MYO16: variants seen among roughly 807,000 people sequenced by gnomAD.
MYO16 encodes unconventional myosin-XVI.
MYO16 carries 94 observed loss-of-function variants against 205.3 expected under a neutral mutation model. That is an observed-to-expected ratio of 0.46 (90% CI 0.39 to 0.54). The LOEUF (loss-of-function observed/expected upper bound fraction) is 0.54. Ranked by LOEUF, MYO16 falls within the 20% of genes least tolerant of loss-of-function variation. The pLI, the probability that MYO16 is intolerant of heterozygous loss-of-function variation, is 0.00. For synonymous variants in MYO16, 988 were observed against 954.0 expected, an observed-to-expected ratio of 1.04 and a Z score of -0.66; for missense variants, 2,315 against 2,387.5, an observed-to-expected ratio of 0.97 and a Z score of 0.63.
intron 9 of MYO16, among the ~76,000 whole-genome samples, chr13:108,835,731 G>A (rs574440435): frequency 2.6e-5 from 4 of 152,166 alleles, no homozygotes; most frequent in Non-Finnish European, 5.9e-5. Context: ...TTGGGAACTG[G>A]AACAAAGGTG....
At chr13:108,771,401 C>T (rs1204697672) in intron 4 of MYO16, among the ~76,000 whole-genome samples, 3 of 152,134 alleles carry the variant, frequency 2.0e-5, no homozygotes, top group Non-Finnish European at 4.4e-5. Flanking sequence ...TTCACACGTG[C>T]TCCCTGACCC....
At chr13:108,528,185 A>G in the MYO16 span, among the ~76,000 whole-genome samples, 3 of 152,242 alleles carry the variant, frequency 2.0e-5, no homozygotes, top group African/African-American at 7.2e-5. Flanking sequence ...TCATGAAAAC[A>G]GATTAGCACT....
At chr13:108,501,216 T>C in the MYO16 span, among the ~76,000 whole-genome samples, 1 of 152,148 alleles carries the variant, frequency 6.6e-6, no homozygotes, top group Non-Finnish European at 1.5e-5. Context: ...TCTCTGTGTG[T>C]CTGGATTGGG....
At chr13:108,539,649 G>A in the MYO16 span, among the ~76,000 whole-genome samples, 1 of 152,010 alleles carries the variant, frequency 6.6e-6, no homozygotes, top group Non-Finnish European at 1.5e-5. Flanking sequence ...GCATGCTTAT[G>A]GAGAAAGCGC....
chr13:108,708,637 A>G (rs1883605815), intron 2 of MYO16, among the ~76,000 whole-genome samples: 1 of 152,196 alleles, frequency 6.6e-6, no homozygotes, highest in Non-Finnish European at 1.5e-5. Flanking sequence ...GCTTAGTTTT[A>G]TCTTCCTTTC....
At chr13:108,558,158 A>G in the MYO16 span, among the ~76,000 whole-genome samples, 1 of 152,230 alleles carries the variant, frequency 6.6e-6, no homozygotes, top group African/African-American at 2.4e-5. Context: ...CTCCTAGCAA[A>G]GATAAAGGTG....
At position 108,676,381 on chromosome 13, in the gene MYO16, G is replaced by A. The variant is rs1003563849; in HGVS notation, c.292+10232G>A. ...TGTGATTATATGTACGCGTGTGTGT[G>A]TGTGTGTGTGTGTGTGTGTGTGTGT... On this transcript the variant is annotated intron_variant, in intron 2 of 34. Transcript: ENST00000457511. 4.0e-3 allele frequency among the ~76,000 whole-genome samples: 522 copies of A among 129,158 alleles called. 3 individuals are homozygous for A. The highest frequency in any genetic ancestry group is 0.015 in the African/African-American group (507 of 34,590). 84.7% of individuals were successfully genotyped at this position (129,158 alleles called of 152,430 possible).
chr13:108,948,454 C>T (rs192306575), intron 16 of MYO16, among the ~76,000 whole-genome samples: 2 of 152,170 alleles, frequency 1.3e-5, no homozygotes, highest in Non-Finnish European at 2.9e-5. Context: ...TCCCAGCATG[C>T]CTTGGGTACA....
intron 9 of MYO16, among the ~76,000 whole-genome samples, chr13:108,831,320 T>G (rs893240419): frequency 6.6e-6 from 1 of 152,178 alleles, no homozygotes; most frequent in African/African-American, 2.4e-5. Context: ...AAAAAATCAT[T>G]TATTATTTGT....
At chr13:109,161,504 G>T (rs1257581825) in intron 32 of MYO16, among the ~76,000 whole-genome samples, 4 of 152,138 alleles carry the variant, frequency 2.6e-5, no homozygotes, top group Non-Finnish European at 5.9e-5. Context: ...CTCCAGAATT[G>T]TCATGAGAAC....
chr13:108,752,082 CT>C (rs927959663), intron 4 of MYO16, among the ~76,000 whole-genome samples: 3 of 152,098 alleles, frequency 2.0e-5, no homozygotes, highest in Non-Finnish European at 2.9e-5. Flanking sequence ...ATTGAGGACA[CT>C]GGTATGAGGT....
intron 29 of MYO16, among the ~76,000 whole-genome samples, chr13:109,122,410 G>T (rs774685185): frequency 1.3e-5 from 2 of 152,152 alleles, no homozygotes; most frequent in African/African-American, 2.4e-5. Context: ...CGGGCGCAGT[G>T]GCTCACGCCT....
chr13:109,055,710 G>T lies in MYO16; in HGVS notation c.3335+115G>T. The T allele has an allele frequency of 2.2e-6, 2 of 900,602 alleles. No homozygotes were observed. Among genetic ancestry groups the T allele is most frequent in the South Asian group, 3.2e-5 (2 of 62,394 alleles). The allele number at this position is 900,602 out of a possible 1,614,324, so 55.8% of individuals were successfully genotyped here. A position where few individuals can be genotyped will look rare whatever the true frequency, so the allele number is the denominator to read the frequency against. On this transcript the variant is annotated intron_variant, in intron 27 of 34. Transcript: ENST00000457511. This position sits in a 1 kb window ranked among gnomAD's most constrained non-coding sequence, Gnocchi z 5.0. ...TGTCTTTTTTGGCACTGCTTTTGTTGTTTACTTTTTTCTATCTCCAATAAA... is the reference window on the plus strand; with the variant it reads ...TGTCTTTTTTGGCACTGCTTTTGTTTTTTACTTTTTTCTATCTCCAATAAA...
chr13:109,188,458 A>C (rs1879775360), intron 34 of MYO16, among the ~76,000 whole-genome samples: 1 of 152,134 alleles, frequency 6.6e-6, no homozygotes, highest in Admixed American at 6.5e-5. Flanking sequence ...CAATCTGACA[A>C]CCTTTCATGA....
At chr13:109,105,322 A>C (rs181177751) in intron 28 of MYO16, among the ~76,000 whole-genome samples, 1 of 152,276 alleles carries the variant, frequency 6.6e-6, no homozygotes, top group East Asian at 1.9e-4. Flanking sequence ...AATACAAAAA[A>C]ATAGCCAGGG....
intron 4 of MYO16, among the ~76,000 whole-genome samples, chr13:108,781,741 A>G (rs2391693): frequency 0.038 from 5,841 of 152,136 alleles, 256 homozygotes; most frequent in East Asian, 0.24. Flanking sequence ...TGTGGGAGGG[A>G]CCCAGGGGGA....
intron 16 of MYO16, among the ~76,000 whole-genome samples, chr13:108,930,714 A>G (rs1009287220): frequency 6.6e-6 from 1 of 152,168 alleles, no homozygotes; most frequent in African/African-American, 2.4e-5. Flanking sequence ...AATCAACATA[A>G]GAAAAGAAAT....
chr13:108,737,144 G>C (rs1029226233), intron 4 of MYO16, among the ~76,000 whole-genome samples: 4 of 152,118 alleles, frequency 2.6e-5, no homozygotes, highest in African/African-American at 9.7e-5. Flanking sequence ...TCTCCTGCCT[G>C]ATTGCCCTGG....
chr13:108,671,315 A>G (rs1881979644), intron 2 of MYO16, among the ~76,000 whole-genome samples: 1 of 152,174 alleles, frequency 6.6e-6, no homozygotes, highest in African/African-American at 2.4e-5. Flanking sequence ...TGTGTTTTGC[A>G]TGCTTTCTCT....
Sources: allele counts gnomAD v4.1 joint callset (sites outside exome capture counted in the v4.1 genomes callset), GRCh38; gene constraint gnomAD v4.1.1; non-coding constraint Gnocchi (gnomAD v3.1); transcripts MANE v1.5; gene names NCBI Gene and HGNC (gene_info 2026-07-23, HGNC 2026-07-21).